LGR6: variants seen among roughly 807,000 people sequenced by gnomAD.
LGR6 encodes leucine-rich repeat-containing G protein-coupled receptor 6.
Under a neutral mutation model 69.4 loss-of-function variants are expected in LGR6, and 45 were observed. The observed-to-expected ratio is 0.65, with a 90% CI of 0.51 to 0.83. The LOEUF (loss-of-function observed/expected upper bound fraction) is 0.83, where lower values mean the gene tolerates loss of function less well. Ranked by LOEUF, LGR6 falls within the 40% of genes least tolerant of loss-of-function variation. LGR6 has a pLI of 0.00. For synonymous variants in LGR6, 538 were observed against 555.0 expected (o/e 0.97, Z 0.43); for missense variants, 1,108 against 1,246.7 (o/e 0.89, Z 1.68).
chr1:202,300,037 C>T (rs1393807611), intron 7 of LGR6, among the ~76,000 whole-genome samples: 3 of 152,198 alleles, frequency 2.0e-5, no homozygotes, highest in South Asian at 2.1e-4. Context: ...CCCCTGGCTG[C>T]GTGCTGTTGA....
chr1:202,311,956 G>T (rs1653775639), intron 16 of LGR6, among the ~76,000 whole-genome samples: 1 of 152,234 alleles, frequency 6.6e-6, no homozygotes, highest in Non-Finnish European at 1.5e-5. Context: ...CCAGCAGCCT[G>T]GCTGGCTCTG....
chr1:202,317,924 C>T (rs764979175), intron 17 of LGR6, 28 bp from the exon 18 acceptor site: 2 of 1,562,396 alleles, frequency 1.3e-6, no homozygotes, highest in Non-Finnish European at 1.7e-6. Context: ...TCCTCTGGCC[C>T]AGGGTTAATG....
intron 7 of LGR6, among the ~76,000 whole-genome samples, chr1:202,299,794 G>A (rs1454662998): frequency 6.6e-6 from 1 of 152,166 alleles, no homozygotes; most frequent in Middle Eastern, 3.2e-3. Context: ...AGAGTCCAGG[G>A]GGACAGAGAA....
chr1:202,200,353 G>A (rs1404131173), intron 1 of LGR6, among the ~76,000 whole-genome samples: 1 of 152,230 alleles, frequency 6.6e-6, no homozygotes, highest in Non-Finnish European at 1.5e-5. Context: ...AAAAGCAGGG[G>A]TGAATGGGTC....
chr1:202,252,287 T>A (rs1190529741), intron 4 of LGR6, among the ~76,000 whole-genome samples: 1 of 152,172 alleles, frequency 6.6e-6, no homozygotes, highest in Non-Finnish European at 1.5e-5. Flanking sequence ...AGTCTTTCCT[T>A]TTCCTTTCTG....
intron 1 of LGR6, chr1:202,214,151 C>A: frequency 6.7e-7 from 1 of 1,502,922 alleles, no homozygotes; most frequent in South Asian, 1.3e-5. Flanking sequence ...TCCCAGGGGC[C>A]GGAATGCGCT....
chr1:202,283,329 C>T (rs1450820866), intron 6 of LGR6, among the ~76,000 whole-genome samples: 1 of 152,132 alleles, frequency 6.6e-6, no homozygotes. Flanking sequence ...GCTGGGGAGC[C>T]TGCAGGGGCA....
chr1:202,310,685 T>A (rs1013574874), intron 16 of LGR6, among the ~76,000 whole-genome samples: 7 of 152,130 alleles, frequency 4.6e-5, no homozygotes, highest in African/African-American at 1.7e-4. Context: ...ACATGTTTCT[T>A]CTCCTTCAAC....
intron 1 of LGR6, among the ~76,000 whole-genome samples, chr1:202,195,082 C>A (rs1378167222): frequency 6.6e-6 from 1 of 152,148 alleles, no homozygotes; most frequent in Non-Finnish European, 1.5e-5. Context: ...CCACCTGCAC[C>A]CCCAGCCCCG....
rs776021826 is a variant in LGR6 at position 202,227,943 on chromosome 1, T to C, written c.292T>C (p.Ser98Pro). Residue 98 changes from serine to proline, a missense_variant, in exon 3 of 18, where the codon TCT (serine) becomes CCT (proline). Physicochemically the swap from Ser to Pro is moderately conservative, Grantham distance 74 (BLOSUM62 -1). Transcript: ENST00000367278. ...CTTGTCTCTGATTTCCAGGCGTCTC[T>C]CTGGGAACCATCTCTCACACATCCC... Reference protein sequence around the residue: ...HLRFLEELRLSGNHLSHIPGQ... With the variant: ...HLRFLEELRLPGNHLSHIPGQ... 3.1e-6 allele frequency: 5 copies of C among 1,613,644 alleles called. No individual in the cohort carries two copies. In the South Asian group the frequency reaches 5.5e-5, roughly 18 times the overall value.
intron 1 of LGR6, among the ~76,000 whole-genome samples, chr1:202,212,869 C>A (rs920155626): frequency 6.6e-6 from 1 of 152,146 alleles, no homozygotes; most frequent in South Asian, 2.1e-4. Context: ...TCATTTCCCC[C>A]CTTTGCACAG....
chr1:202,208,394 GGAGAAGGAGGGGGGAGAGAGAGA>G (rs377084385), intron 1 of LGR6, among the ~76,000 whole-genome samples: 8,546 of 151,868 alleles, frequency 0.056, 286 homozygotes, highest in Admixed American at 0.11. Context: ...GAGAGAGAGA[GGAGAAGGAGGGGGGAGAGAGAGA>G]GAGAAGGGGC....
rs372692695 is a variant in LGR6, at chr1:202,310,911, G to A, written c.1567+554G>A. 4.6e-5 allele frequency among the ~76,000 whole-genome samples: 7 copies of A among 152,156 alleles called. No homozygotes were observed. In the South Asian group the frequency reaches 6.2e-4, roughly 14 times the overall value. On this transcript the variant is annotated intron_variant, in intron 16 of 17. Transcript: ENST00000367278. ...GTCTGAAAGTGAGACTTCCGTGGCC[G>A]CCAGGTGCAAGAGACCTTCACTGAG...
At chr1:202,239,154 C>T (rs998910452) in intron 4 of LGR6, among the ~76,000 whole-genome samples, 2 of 152,134 alleles carry the variant, frequency 1.3e-5, no homozygotes, top group Admixed American at 6.6e-5. Flanking sequence ...GTCTTCCGGC[C>T]GGCTCTTTTC....
At position 202,310,336 on chromosome 1, in the gene LGR6, G is replaced by A. The variant is rs6668765; in HGVS notation, c.1546G>A (p.Ala516Thr). Residue 516 changes from alanine to threonine, a missense_variant, in exon 16 of 18, where the codon GCC (alanine) becomes ACC (threonine). By Grantham distance (58) the Ala-to-Thr change is moderately conservative. Transcript: ENST00000367278. Reference protein sequence around the residue: ...ESSKRPLGLLARQAENHYDQD... With the variant: ...ESSKRPLGLLTRQAENHYDQD... ...TTCAAAAAGGCCCCTGGGCCTCCTT[G>A]CCAGACAAGCAGAGAACCACTGTGA... is the stretch of plus-strand genomic sequence containing the variant. The A allele has an allele frequency of 1.9e-6, 3 of 1,613,660 alleles. No homozygotes were observed. The South Asian group carries it at 3.3e-5, about 18-fold the overall frequency.
In LGR6 at chr1:202,281,747, C is replaced by T. The variant is rs183633331; in HGVS notation, c.716+895C>T. 5.5e-4 allele frequency among the ~76,000 whole-genome samples: 83 copies of T among 152,048 alleles called. 1 individual carries two copies. Among genetic ancestry groups the T allele is most frequent in the Middle Eastern group, 3.4e-3 (1 of 292 alleles). On this transcript the variant is annotated intron_variant, in intron 6 of 17. Transcript: ENST00000367278. Reference sequence around the variant, plus strand: ...GGGATGCTCACAGTTTCTCTTACCCCCCACTTGCTCCACCTTGCCCTCCAT... The same window carrying T: ...GGGATGCTCACAGTTTCTCTTACCCTCCACTTGCTCCACCTTGCCCTCCAT...
At chr1:202,313,055 C>T (rs926616329) in intron 16 of LGR6, among the ~76,000 whole-genome samples, 1 of 123,524 alleles carries the variant, frequency 8.1e-6, no homozygotes, top group African/African-American at 2.7e-5. Context: ...CATGAAACCC[C>T]ATCTCTAAAA....
chr1:202,278,127 G>A (rs1012495309), intron 5 of LGR6, among the ~76,000 whole-genome samples: 2 of 152,130 alleles, frequency 1.3e-5, no homozygotes, highest in African/African-American at 4.8e-5. Flanking sequence ...GGGTTAAAAG[G>A]GAGTATTTTA....
chr1:202,204,952 G>A (rs533586814), intron 1 of LGR6, among the ~76,000 whole-genome samples: 246 of 1,352 alleles, frequency 0.18, 50 homozygotes, highest in Admixed American at 0.24. Flanking sequence ...GCACACACAC[G>A]CACCTCCAAA....
Sources: allele counts gnomAD v4.1 joint callset (sites outside exome capture counted in the v4.1 genomes callset), GRCh38; gene constraint gnomAD v4.1.1; transcripts MANE v1.5; gene names NCBI Gene and HGNC (gene_info 2026-07-23, HGNC 2026-07-21).